Variants in KHDRBS2 observed in about 807,000 individuals in gnomAD.
KHDRBS2 encodes the protein KH domain-containing, RNA-binding, signal transduction-associated protein 2.
KHDRBS2 carries 26 observed loss-of-function variants against 44.3 expected under a neutral mutation model. That is an observed-to-expected ratio of 0.59 (90% CI 0.43 to 0.81). The LOEUF is 0.81. KHDRBS2 is among the 40% of genes least tolerant of loss of function. KHDRBS2 has a pLI of 0.00. For missense variants in KHDRBS2, 476 were observed against 433.1 expected, an observed-to-expected ratio of 1.10 and a Z score of -0.88; for synonymous variants, 194 against 151.1, an observed-to-expected ratio of 1.28 and a Z score of -2.08.
the KHDRBS2 span, among the ~76,000 whole-genome samples, chr6:61,556,768 T>C: frequency 4.6e-5 from 7 of 151,996 alleles, no homozygotes; most frequent in African/African-American, 1.7e-4. Context: ...CTCACCTCCA[T>C]TTTCTCATAC....
At chr6:61,825,627 C>T (rs1034445785) in intron 6 of KHDRBS2, among the ~76,000 whole-genome samples, 3 of 151,970 alleles carry the variant, frequency 2.0e-5, no homozygotes, top group Admixed American at 6.6e-5. Context: ...ACATAGTTAC[C>T]GTTTAAAATT....
At chr6:62,075,424 C>A (rs1234060541) in intron 2 of KHDRBS2, among the ~76,000 whole-genome samples, 2 of 151,856 alleles carry the variant, frequency 1.3e-5, no homozygotes, top group Non-Finnish European at 2.9e-5. Context: ...TATAAATAAC[C>A]CAATCCTAGT....
At chr6:61,736,329 C>T (rs1333516359) in intron 6 of KHDRBS2, among the ~76,000 whole-genome samples, 2 of 151,454 alleles carry the variant, frequency 1.3e-5, no homozygotes, top group Non-Finnish European at 2.9e-5. Context: ...AAGGTCTCAT[C>T]TCCTTTGTGG....
downstream of KHDRBS2, among the ~76,000 whole-genome samples, chr6:61,676,426 T>G (rs1409025491): frequency 6.6e-6 from 1 of 151,884 alleles, no homozygotes; most frequent in African/African-American, 2.4e-5. Context: ...CAGGGATTTA[T>G]TTTTCCCCTT....
chr6:61,932,787 T>C (rs1810323815), intron 4 of KHDRBS2, among the ~76,000 whole-genome samples: 1 of 152,090 alleles, frequency 6.6e-6, no homozygotes, highest in South Asian at 2.1e-4. Flanking sequence ...AGCAAGACTC[T>C]GTCTCAAGAA....
chr6:61,569,066 C>T, the KHDRBS2 span, among the ~76,000 whole-genome samples: 81 of 81,470 alleles, frequency 9.9e-4, 1 homozygote, highest in East Asian at 0.024. Context: ...CTGATTGGGG[C>T]ACTGTGGGAG....
rs555371585 is a variant in KHDRBS2 at position 62,105,989 on chromosome 6, G to A, written c.220-57995C>T. Among the ~76,000 whole-genome samples the A allele has an allele frequency of 1.5e-3, 226 of 152,184 alleles. 1 individual carries two copies. Among genetic ancestry groups the A allele is most frequent in the African/African-American group, 5.0e-3 (209 of 41,514 alleles). ...TCTGGTATGTTGTGTCTTTGTTCCC[G>A]TTGGTTTCAAAGAATATCTTTATTT... On this transcript the variant is annotated intron_variant, in intron 2 of 8. Transcript: ENST00000281156.
chr6:62,266,432 A>G (rs1333036034), intron 1 of KHDRBS2, among the ~76,000 whole-genome samples: 2 of 151,966 alleles, frequency 1.3e-5, no homozygotes, highest in Non-Finnish European at 2.9e-5. Context: ...ATTCAAGTAA[A>G]TATCTTAGCT....
rs1443315829 is a variant in KHDRBS2 at position 61,836,786 on chromosome 6, A to T, written c.810+57849T>A. Among the ~76,000 whole-genome samples the T allele has an allele frequency of 2.0e-5, 3 of 151,898 alleles. 1 individual carries two copies. The highest frequency in any genetic ancestry group is 2.0e-4 in the Admixed American group (3 of 15,194). ...ACACATACACGCATATATACAACAG[A>T]TTAATAACACAGAAGTTTAAGCAAT... On this transcript the variant is annotated intron_variant, in intron 6 of 8. Transcript: ENST00000281156.
chr6:61,727,758 T>C (rs1307080303), intron 7 of KHDRBS2, among the ~76,000 whole-genome samples: 1 of 152,018 alleles, frequency 6.6e-6, no homozygotes, highest in Non-Finnish European at 1.5e-5. Flanking sequence ...AAATTGCTAT[T>C]ATTAAAAAGT....
At chr6:61,606,603 G>C in the KHDRBS2 span, among the ~76,000 whole-genome samples, 1 of 152,148 alleles carries the variant, frequency 6.6e-6, no homozygotes, top group Admixed American at 6.5e-5. Context: ...TGGGGGCTTA[G>C]AGCATGGCAA....
intron 6 of KHDRBS2, among the ~76,000 whole-genome samples, chr6:61,865,256 G>T (rs1029379954): frequency 6.6e-6 from 1 of 152,000 alleles, no homozygotes; most frequent in Admixed American, 6.6e-5. Context: ...TTCACATTCC[G>T]AAGCCTACTA....
chr6:61,601,370 C>T, the KHDRBS2 span, among the ~76,000 whole-genome samples: 7 of 152,156 alleles, frequency 4.6e-5, no homozygotes, highest in East Asian at 1.9e-4. Flanking sequence ...CCTGTGTTCT[C>T]AAGAACTTAA....
chr6:61,805,648 C>T (rs1439198739), intron 6 of KHDRBS2, among the ~76,000 whole-genome samples: 2 of 152,132 alleles, frequency 1.3e-5, no homozygotes, highest in Non-Finnish European at 2.9e-5. Flanking sequence ...AATTTATAAT[C>T]ATGGCAGTAG....
intron 6 of KHDRBS2, among the ~76,000 whole-genome samples, chr6:61,736,743 ATTCCTCAAGGTCATT>A (rs1562062542): frequency 1.3e-5 from 2 of 151,874 alleles, no homozygotes; most frequent in Non-Finnish European, 2.9e-5. Context: ...AATGCTACTG[ATTCCTCAAGGTCATT>A]TTACATAATA....
At chr6:61,901,454 AAACG>A in intron 4 of KHDRBS2, 83 bp from the exon 5 acceptor site, 4 of 392,352 alleles carry the variant, frequency 1.0e-5, no homozygotes, top group Non-Finnish European at 1.5e-5. Flanking sequence ...AAACAAAACA[AAACG>A]CAATAGGAAA....
At chr6:62,117,119 G>A (rs1461834060) in intron 2 of KHDRBS2, among the ~76,000 whole-genome samples, 5 of 152,070 alleles carry the variant, frequency 3.3e-5, no homozygotes, top group Admixed American at 3.3e-4. Flanking sequence ...ACTCAGTGGT[G>A]AGATTTCTAG....
Position 61,732,696 on chromosome 6 carries a change from C to T in KHDRBS2, c.879G>A (p.Ala293=), listed in dbSNP as rs181753414. Residue 293 remains alanine, a synonymous_variant, in exon 7 of 9, where the codon GCG becomes GCA. Transcript: ENST00000281156. Reference sequence around the variant, plus strand: ...AAATGCCTTACCTTTGTGTTTGGGTCGCATAGCTGTTATCATAAGTCTCAT... The same window carrying T: ...AAATGCCTTACCTTTGTGTTTGGGTTGCATAGCTGTTATCATAAGTCTCAT... ...QTYETYDNSY[A]TQTQSVPEYY... 25 of 1,606,542 alleles carry T rather than the reference C, an allele frequency of 1.6e-5. No homozygotes were observed. Among genetic ancestry groups the T allele is most frequent in the Admixed American group, 1.2e-4 (7 of 59,952 alleles).
chr6:61,622,028 C>T, the KHDRBS2 span, among the ~76,000 whole-genome samples: 1 of 152,112 alleles, frequency 6.6e-6, no homozygotes, highest in Non-Finnish European at 1.5e-5. Context: ...ATGTTTTTCC[C>T]CAGCAACGTT....
Sources: allele counts gnomAD v4.1 joint callset (sites outside exome capture counted in the v4.1 genomes callset), GRCh38; gene constraint gnomAD v4.1.1; transcripts MANE v1.5; gene names NCBI Gene and HGNC (gene_info 2026-07-23, HGNC 2026-07-21).